WDR37: variants seen among roughly 807,000 people sequenced by gnomAD.
The protein encoded by WDR37 is WD repeat domain 37.
In WDR37, 19 loss-of-function variants were observed where a neutral mutation model predicts 62.9. That is an observed-to-expected ratio of 0.30 (90% CI 0.21 to 0.44). The LOEUF (loss-of-function observed/expected upper bound fraction) is 0.44, where lower values mean the gene tolerates loss of function less well. Ranked by LOEUF, WDR37 falls within the 20% of genes least tolerant of loss-of-function variation. The pLI is 1.00. For synonymous variants in WDR37, 250 were observed against 260.9 expected (o/e 0.96, Z 0.40); for missense variants, 474 against 657.6 (o/e 0.72, Z 3.05).
Position 1,129,585 on chromosome 10 carries a change from T to C in WDR37, c.*241T>C. ...GTCCTCTGGGCAGTAGAGGCAAAGC[T>C]CACCTCCCATGTAGCACATGAAATG... On this transcript the variant is annotated 3_prime_UTR_variant, in exon 14 of 14. Coordinates refer to ENST00000263150, the MANE Select transcript of WDR37 (RefSeq NM_014023.4). 1 of 446,980 alleles carries C rather than the reference T, an allele frequency of 2.2e-6. No homozygotes were observed. The highest frequency in any genetic ancestry group is 4.0e-6 in the Non-Finnish European group (1 of 252,522). The allele number at this position is 446,980 out of a possible 1,614,324, so 27.7% of individuals were successfully genotyped here. A position where few individuals can be genotyped will look rare whatever the true frequency, so the allele number is the denominator to read the frequency against.
intron 7 of WDR37, 136 bp from the exon 8 acceptor site, chr10:1,093,316 T>A (rs541883095): frequency 2.9e-6 from 2 of 695,560 alleles, no homozygotes; most frequent in Non-Finnish European, 4.9e-6. Context: ...TATTTATAAC[T>A]TAACTGAGTG....
chr10:1,097,528 C>G (rs961343803), intron 9 of WDR37, among the ~76,000 whole-genome samples: 2 of 152,224 alleles, frequency 1.3e-5, no homozygotes, highest in African/African-American at 4.8e-5. Context: ...GGCTGCAGCT[C>G]TCACTGCAGT....
chr10:1,116,383 A>T (rs1835400771), intron 11 of WDR37, among the ~76,000 whole-genome samples: 1 of 149,942 alleles, frequency 6.7e-6, no homozygotes, highest in African/African-American at 2.5e-5. Flanking sequence ...CTGGGTCTCC[A>T]CCCTGTCTGT....
At chr10:1,102,331 G>A (rs1220250411) in intron 9 of WDR37, among the ~76,000 whole-genome samples, 8 of 152,358 alleles carry the variant, frequency 5.3e-5, no homozygotes, top group African/African-American at 9.6e-5. Flanking sequence ...TCCCTGTGAC[G>A]TGCATTCCCT....
rs56654628 is a variant in WDR37, at chr10:1,113,950, C to CTTTTTTTTTT, written c.1103+8697_1103+8706dup. 1.0e-4 allele frequency among the ~76,000 whole-genome samples: 8 copies of CTTTTTTTTTT among 76,196 alleles called. 1 individual carries two copies. The highest frequency in any genetic ancestry group is 4.2e-4 in the Admixed American group (2 of 4,748). 50.0% of individuals were successfully genotyped at this position (76,196 alleles called of 152,430 possible). A position where few individuals can be genotyped will look rare whatever the true frequency, so the allele number is the denominator to read the frequency against. On this transcript the variant is annotated intron_variant, in intron 11 of 13. Transcript: ENST00000263150. ...TGAGGTTCAATTGTGGGTAAAATGC[C>CTTTTTTTTTT]TTTTTTTTTTTTTTTTTTTTTTTAA...
rs891868281 is a variant in WDR37 at position 1,083,900 on chromosome 10, C to CT, written c.397-496dup. Among the ~76,000 whole-genome samples the CT allele has an allele frequency of 5.9e-5, 9 of 152,204 alleles. No homozygotes were observed. In the East Asian group the frequency reaches 7.7e-4, roughly 13 times the overall value. ...TCTTTTGATTCCTCCCCACCACAGGCTTTTTTTACACTTGATGATACGTGG... is the reference window on the plus strand; with the variant it reads ...TCTTTTGATTCCTCCCCACCACAGGCTTTTTTTTACACTTGATGATACGTGG... On this transcript the variant is annotated intron_variant, in intron 5 of 13. Coordinates refer to ENST00000263150, the MANE Select transcript of WDR37 (RefSeq NM_014023.4).
intron 3 of WDR37, 40 bp downstream of exon 3, chr10:1,078,043 C>T: frequency 6.8e-7 from 1 of 1,465,624 alleles, no homozygotes; most frequent in Non-Finnish European, 9.4e-7. Context: ...ATAGCTTTAC[C>T]TATCCATAGT....
intron 5 of WDR37, among the ~76,000 whole-genome samples, chr10:1,082,207 C>T (rs1328772727): frequency 6.6e-6 from 1 of 152,150 alleles, no homozygotes; most frequent in Non-Finnish European, 1.5e-5. Context: ...AGCATGAATG[C>T]AACAAGAGAA....
intron 8 of WDR37, 118 bp downstream of exon 8, chr10:1,093,614 A>G (rs1834472340): frequency 1.2e-6 from 1 of 867,398 alleles, no homozygotes. Context: ...AATCTTTAGT[A>G]GACATTTTAT....
Position 1,073,275 on chromosome 10 carries a change from C to T in WDR37, c.138+982C>T, listed in dbSNP as rs975998343. ...TCACAATTAGAACAAATTCATCAGC[C>T]ATAATGCTGTAGGAAGATAAAGCTT... On this transcript the variant is annotated intron_variant, in intron 2 of 13. Coordinates refer to ENST00000263150, the MANE Select transcript of WDR37 (RefSeq NM_014023.4). Among the ~76,000 whole-genome samples, 5 of 152,078 alleles carry T rather than the reference C, an allele frequency of 3.3e-5. No homozygotes were observed. The East Asian group carries it at 9.6e-4, about 29-fold the overall frequency.
At chr10:1,060,541 G>A (rs1369421165) in intron 1 of WDR37, among the ~76,000 whole-genome samples, 1 of 152,202 alleles carries the variant, frequency 6.6e-6, no homozygotes, top group East Asian at 1.9e-4. Context: ...TTGGGTAAAT[G>A]TGAATATTTT....
At position 1,066,318 on chromosome 10, in the gene WDR37, G is replaced by A. The variant is rs190725963; in HGVS notation, c.-40-5798G>A. Among the ~76,000 whole-genome samples, 76 of 152,218 alleles carry A rather than the reference G, an allele frequency of 5.0e-4. 1 individual carries two copies. The highest frequency in any genetic ancestry group is 6.8e-3 in the Middle Eastern group (2 of 294). On this transcript the variant is annotated intron_variant, in intron 1 of 13. Transcript: ENST00000263150. ...TTTTTAGTAGAGACGGGGTTTCACC[G>A]TGTTAGCTAGGATGGTCTCGAAGTC...
chr10:1,113,490 CA>C (rs1421979530), intron 11 of WDR37, among the ~76,000 whole-genome samples: 7 of 151,974 alleles, frequency 4.6e-5, no homozygotes, highest in African/African-American at 1.7e-4. Context: ...CTATAGCTGC[CA>C]TAGATAGTGA....
chr10:1,068,977 T>C (rs1445449001), intron 1 of WDR37, among the ~76,000 whole-genome samples: 6 of 152,194 alleles, frequency 3.9e-5, no homozygotes, highest in African/African-American at 1.4e-4. Context: ...TTTTATGAAA[T>C]GGCCAGAACA....
intron 5 of WDR37, among the ~76,000 whole-genome samples, chr10:1,083,730 G>A (rs1458290391): frequency 1.3e-5 from 2 of 152,206 alleles, no homozygotes; most frequent in African/African-American, 4.8e-5. Flanking sequence ...TCTGTGGTCC[G>A]TGATGTGTTC....
chr10:1,098,823 T>C (rs1386722024), intron 9 of WDR37, among the ~76,000 whole-genome samples: 2 of 152,238 alleles, frequency 1.3e-5, no homozygotes, highest in Admixed American at 1.3e-4. Context: ...GCAGCCTGCG[T>C]TGAATGAGAC....
chr10:1,084,124 C>T (rs1390881407), intron 5 of WDR37, among the ~76,000 whole-genome samples: 2 of 152,172 alleles, frequency 1.3e-5, no homozygotes, highest in Admixed American at 6.5e-5. Flanking sequence ...ATCCACCCTT[C>T]TGCAGTGAGA....
intron 13 of WDR37, among the ~76,000 whole-genome samples, chr10:1,128,181 A>T (rs1186913295): frequency 6.6e-6 from 1 of 152,110 alleles, no homozygotes; most frequent in African/African-American, 2.4e-5. Context: ...TTTATGGGGG[A>T]ATATTTTCAG....
intron 1 of WDR37, among the ~76,000 whole-genome samples, chr10:1,059,955 G>A (rs756392305): frequency 7.9e-5 from 12 of 152,074 alleles, no homozygotes; most frequent in Admixed American, 3.3e-4. Context: ...AGCAATTCTC[G>A]TGCCTCAGCC....
Sources: gnomAD v4.1 joint callset for allele counts (sites outside exome capture counted in the v4.1 genomes callset) on GRCh38, gnomAD v4.1.1 for gene constraint, MANE v1.5 for transcripts, NCBI Gene and HGNC (gene_info 2026-07-23, HGNC 2026-07-21) for gene names.